ZBTB16: variants seen among roughly 807,000 people sequenced by gnomAD.
ZBTB16 encodes zinc finger and BTB domain containing 16.
Under a neutral mutation model 56.8 loss-of-function variants are expected in ZBTB16, and 8 were observed. The ratio of observed to expected loss-of-function variants is 0.14; its 90% confidence interval spans 0.08 to 0.25. The LOEUF (loss-of-function observed/expected upper bound fraction) is 0.25, where lower values mean the gene tolerates loss of function less well. Among genes scored for constraint, ZBTB16 ranks in the 10% least tolerant of loss-of-function variants. The pLI, the probability that ZBTB16 is intolerant of heterozygous loss-of-function variation, is 1.00. For missense variants in ZBTB16, 625 were observed against 903.0 expected (o/e 0.69, Z 3.95); for synonymous variants, 363 against 368.5 (o/e 0.98, Z 0.17).
At chr11:114,203,438 C>T (rs997864479) in intron 4 of ZBTB16, among the ~76,000 whole-genome samples, 2 of 152,056 alleles carry the variant, frequency 1.3e-5, no homozygotes, top group Non-Finnish European at 2.9e-5. Context: ...CACAGTGGCT[C>T]ATGCTTTGGG....
chr11:114,240,614 G>A (rs988660274), intron 4 of ZBTB16, among the ~76,000 whole-genome samples: 1 of 152,282 alleles, frequency 6.6e-6, no homozygotes, highest in Middle Eastern at 3.4e-3. Flanking sequence ...GGGAGCTCCT[G>A]TGCTCAGGAA....
At chr11:114,107,052 T>C (rs1940817883) in intron 2 of ZBTB16, among the ~76,000 whole-genome samples, 1 of 152,110 alleles carries the variant, frequency 6.6e-6, no homozygotes, top group Non-Finnish European at 1.5e-5. Flanking sequence ...CACATACATA[T>C]AGATGCCCCT....
intron 2 of ZBTB16, among the ~76,000 whole-genome samples, chr11:114,134,846 A>G (rs1591701983): frequency 6.6e-6 from 1 of 152,370 alleles, no homozygotes; most frequent in East Asian, 1.9e-4. Flanking sequence ...TTAAGTGCCT[A>G]TTGTATGATA....
chr11:114,105,662 T>A (rs999384701), intron 2 of ZBTB16, among the ~76,000 whole-genome samples: 4 of 152,204 alleles, frequency 2.6e-5, no homozygotes, highest in African/African-American at 9.6e-5. Context: ...AGTTCCCTCG[T>A]TTGTTTGTAA....
intron 2 of ZBTB16, among the ~76,000 whole-genome samples, chr11:114,071,411 A>G (rs183591332): frequency 6.6e-6 from 1 of 152,120 alleles, no homozygotes; most frequent in African/African-American, 2.4e-5. Flanking sequence ...TTAATTTGCC[A>G]TCACTATTGG....
At chr11:114,069,235 G>A (rs1591636386) in intron 2 of ZBTB16, among the ~76,000 whole-genome samples, 1 of 152,162 alleles carries the variant, frequency 6.6e-6, no homozygotes, top group African/African-American at 2.4e-5. Context: ...ACAGGCACCC[G>A]CCACCACGCC....
At chr11:114,082,941 A>G (rs1429703104) in intron 2 of ZBTB16, among the ~76,000 whole-genome samples, 2 of 152,200 alleles carry the variant, frequency 1.3e-5, no homozygotes, top group African/African-American at 4.8e-5. Context: ...TGGTCGTAGC[A>G]CTACGCAATG....
chr11:114,227,428 A>C lies in ZBTB16; in HGVS notation c.1454-14739A>C, dbSNP rs143639615. 2.7e-4 allele frequency among the ~76,000 whole-genome samples: 41 copies of C among 152,338 alleles called. No individual in the cohort carries two copies. The East Asian group carries it at 7.7e-3, about 29-fold the overall frequency. Reference sequence around the variant, plus strand: ...CCCCCCTCATGTTACAGAAGAGTTGAAGTCCAGAGAAATCAAATTCATTTG... The same window carrying C: ...CCCCCCTCATGTTACAGAAGAGTTGCAGTCCAGAGAAATCAAATTCATTTG... On this transcript the variant is annotated intron_variant, in intron 4 of 6. Transcript: ENST00000335953.
intron 3 of ZBTB16, among the ~76,000 whole-genome samples, chr11:114,178,093 C>A (rs542699705): frequency 7.1e-4 from 108 of 152,252 alleles, no homozygotes; most frequent in African/African-American, 2.4e-3. Context: ...TCCTTGATCT[C>A]CTCCTGGGGA....
intron 4 of ZBTB16, among the ~76,000 whole-genome samples, chr11:114,200,207 A>C (rs995112986): frequency 1.3e-5 from 2 of 152,042 alleles, no homozygotes; most frequent in Non-Finnish European, 2.9e-5. Context: ...TGATGTATGC[A>C]TAAGTGGTAG....
chr11:114,215,462 A>G (rs1944076909), intron 4 of ZBTB16, among the ~76,000 whole-genome samples: 3 of 152,214 alleles, frequency 2.0e-5, no homozygotes, highest in South Asian at 4.1e-4. Flanking sequence ...GGGAAGGGAA[A>G]GATATGGCAG....
At chr11:114,198,022 A>G (rs1454290925) in intron 4 of ZBTB16, among the ~76,000 whole-genome samples, 2 of 129,144 alleles carry the variant, frequency 1.5e-5, no homozygotes, top group Non-Finnish European at 3.6e-5. Context: ...TAAACTTTAC[A>G]TGAAAAAAAA....
chr11:114,199,824 A>G (rs926388798), intron 4 of ZBTB16, among the ~76,000 whole-genome samples: 1 of 152,166 alleles, frequency 6.6e-6, no homozygotes, highest in African/African-American at 2.4e-5. Context: ...TGCTGTAAGA[A>G]CTACATAAAA....
At chr11:114,112,963 G>A (rs1280192625) in intron 2 of ZBTB16, among the ~76,000 whole-genome samples, 2 of 151,844 alleles carry the variant, frequency 1.3e-5, no homozygotes, top group Non-Finnish European at 2.9e-5. Flanking sequence ...CTTAGAGATG[G>A]GATCTCACTG....
intron 4 of ZBTB16, among the ~76,000 whole-genome samples, chr11:114,191,856 A>G (rs1447137470): frequency 6.6e-6 from 1 of 152,180 alleles, no homozygotes; most frequent in East Asian, 1.9e-4. Flanking sequence ...TTTATAGGGA[A>G]GGGGGAAAAG....
chr11:114,235,847 T>C (rs1944579060), intron 4 of ZBTB16, among the ~76,000 whole-genome samples: 2 of 149,656 alleles, frequency 1.3e-5, no homozygotes, highest in Admixed American at 6.7e-5. Context: ...CTTTGAGTCA[T>C]ACATGCCCTG....
chr11:114,232,315 A>T (rs1944455076), intron 4 of ZBTB16, among the ~76,000 whole-genome samples: 1 of 152,196 alleles, frequency 6.6e-6, no homozygotes. Flanking sequence ...TGCAGGAAGT[A>T]GGGAGCCCTT....
Position 114,187,052 on chromosome 11 carries a change from G to A in ZBTB16, c.1453+14G>A, listed in dbSNP as rs1261849786. 6.8e-6 allele frequency: 11 copies of A among 1,613,610 alleles called. No homozygotes were observed. The highest frequency in any genetic ancestry group is 2.2e-5 in the East Asian group (1 of 44,840). On this transcript the variant is annotated intron_variant, in intron 4 of 6. Transcript: ENST00000335953. ...AGACCCATACTGGTGAGTTGACTTG[G>A]ATTCCTGTTCTCCAGGTTTTCCACA...
At position 114,059,802 on chromosome 11, in the gene ZBTB16, C is replaced by T. The variant is rs1429741517; in HGVS notation, c.-171C>T. On this transcript the variant is annotated 5_prime_UTR_variant, in exon 1 of 7. Transcript: ENST00000335953. This position sits in a 1 kb window ranked among gnomAD's most constrained non-coding sequence, Gnocchi z 5.3. ...CCGTGATACGGAGAGCAACAGTTCC[C>T]CAGCAACACCCCTCCCCGACACAGG... The T allele has an allele frequency of 7.5e-6, 3 of 398,240 alleles. No homozygotes were observed. Among genetic ancestry groups the T allele is most frequent in the Non-Finnish European group, 8.9e-6 (2 of 225,954 alleles). 24.7% of individuals were successfully genotyped at this position (398,240 alleles called of 1,614,324 possible).
Sources: gnomAD v4.1 joint callset for allele counts (sites outside exome capture counted in the v4.1 genomes callset) on GRCh38, gnomAD v4.1.1 for gene constraint, Gnocchi (gnomAD v3.1) non-coding constraint, MANE v1.5 for transcripts, NCBI Gene and HGNC (gene_info 2026-07-23, HGNC 2026-07-21) for gene names.